MYO16: variants seen among roughly 807,000 people sequenced by gnomAD.
MYO16 encodes unconventional myosin-XVI.
A neutral mutation model predicts 205.3 loss-of-function variants in MYO16; 94 were observed. That is an observed-to-expected ratio of 0.46 (90% CI 0.39 to 0.54). The LOEUF (loss-of-function observed/expected upper bound fraction) is 0.54, where lower values mean the gene tolerates loss of function less well. Among genes scored for constraint, MYO16 ranks in the 20% least tolerant of loss-of-function variants. The probability of loss-of-function intolerance (pLI) is 0.00; values close to 1 mark genes in which losing one functional copy is unlikely to be tolerated. For synonymous variants in MYO16, 988 were observed against 954.0 expected (o/e 1.04, Z -0.66); for missense variants, 2,315 against 2,387.5 (o/e 0.97, Z 0.63).
In MYO16 at chr13:108,883,088, G is replaced by T. The variant is rs1320951124; in HGVS notation, c.1455G>T (p.Gly485=). The change falls in exon 13 of 35, where the codon GGG becomes GGT. Residue 485 remains glycine (G), a synonymous_variant. Transcript: ENST00000457511. ...MVSQLYFSSS[G]KLCSSLPPHL... Reference sequence around the variant, plus strand: ...CCCAGCTGTATTTCAGCTCCTCAGGGAAGCTGTGTTCCTCGCTGCCTCCTC... The same window carrying T: ...CCCAGCTGTATTTCAGCTCCTCAGGTAAGCTGTGTTCCTCGCTGCCTCCTC... 2.5e-6 allele frequency: 4 copies of T among 1,613,896 alleles called. No individual in the cohort carries two copies. In the African/African-American group the frequency reaches 4.0e-5, roughly 16 times the overall value.
At chr13:108,785,835 G>T (rs561504840) in intron 5 of MYO16, 92 bp downstream of exon 5, 14 of 822,802 alleles carry the variant, frequency 1.7e-5, no homozygotes, top group Non-Finnish European at 2.5e-5. Context: ...CATGATTTCC[G>T]ATGGATGTAG....
At chr13:108,806,636 A>T (rs1438412194) in intron 6 of MYO16, 43 bp from the exon 7 acceptor site, 3 of 1,588,768 alleles carry the variant, frequency 1.9e-6, no homozygotes, top group African/African-American at 1.3e-5. Context: ...CATGAATATC[A>T]CTACTTTAAA....
At chr13:108,653,186 CT>C (rs1881088795) in intron 1 of MYO16, among the ~76,000 whole-genome samples, 6 of 152,164 alleles carry the variant, frequency 3.9e-5, no homozygotes, top group Admixed American at 3.3e-4. Context: ...TGTATATCAT[CT>C]TTGGAAAAAT....
At chr13:108,834,594 T>C (rs1333873300) in intron 9 of MYO16, among the ~76,000 whole-genome samples, 1 of 151,976 alleles carries the variant, frequency 6.6e-6, no homozygotes, top group Non-Finnish European at 1.5e-5. Flanking sequence ...TAACTTGGAA[T>C]TTTTCCTTTT....
chr13:109,140,181 C>T lies in MYO16; in HGVS notation c.4052-83C>T. The T allele has an allele frequency of 6.5e-7, 1 of 1,545,396 alleles. No individual in the cohort carries two copies. The highest frequency in any genetic ancestry group is 8.6e-7 in the Non-Finnish European group (1 of 1,156,126). On this transcript the variant is annotated intron_variant, in intron 31 of 34. Transcript: ENST00000457511. The surrounding 1 kb of genome is among the most constrained non-coding windows in gnomAD (Gnocchi z 8.0). ...GGATTCTCGGGGCACGGGGCCGTGG[C>T]TCCCTCCGAGTCGAGCCCCGGGCTT...
At chr13:108,518,843 A>C in the MYO16 span, among the ~76,000 whole-genome samples, 44,231 of 152,090 alleles carry the variant, frequency 0.29, 7,304 homozygotes, top group Non-Finnish European at 0.37. Context: ...TACAGTGTGG[A>C]GGGGTACTTA....
chr13:108,558,458 C>G, the MYO16 span, among the ~76,000 whole-genome samples: 1 of 152,190 alleles, frequency 6.6e-6, no homozygotes, highest in Non-Finnish European at 1.5e-5. Flanking sequence ...AGTGTGGGCA[C>G]CTCGACTGTG....
At chr13:109,148,556 A>G (rs1294516471) in intron 32 of MYO16, among the ~76,000 whole-genome samples, 4 of 152,360 alleles carry the variant, frequency 2.6e-5, no homozygotes, top group Admixed American at 2.0e-4. Context: ...AGTGAAAGAA[A>G]TTCCAAAGAG....
the MYO16 span, among the ~76,000 whole-genome samples, chr13:108,588,309 T>C: frequency 2.6e-5 from 4 of 152,152 alleles, no homozygotes; most frequent in South Asian, 6.2e-4. Context: ...CTTTGACAAA[T>C]GTGGCTATTT....
At chr13:108,818,555 C>T (rs1399862457) in intron 7 of MYO16, among the ~76,000 whole-genome samples, 1 of 151,370 alleles carries the variant, frequency 6.6e-6, no homozygotes, top group Admixed American at 6.6e-5. Context: ...AGCAAAAATA[C>T]CATAGAAAAA....
chr13:109,130,824 C>T (rs964096932), intron 31 of MYO16, among the ~76,000 whole-genome samples: 5 of 152,168 alleles, frequency 3.3e-5, no homozygotes, highest in Non-Finnish European at 7.3e-5. Flanking sequence ...TTGTTCAATG[C>T]AGTAGCCACT....
At chr13:109,190,820 C>G (rs1266319528) in intron 34 of MYO16, among the ~76,000 whole-genome samples, 2 of 152,096 alleles carry the variant, frequency 1.3e-5, no homozygotes, top group African/African-American at 4.8e-5. Context: ...GTTTGTAACT[C>G]CATTCAATTA....
At chr13:109,023,809 ATATT>A (rs1273041095) in intron 23 of MYO16, among the ~76,000 whole-genome samples, 1 of 136,084 alleles carries the variant, frequency 7.3e-6, no homozygotes, top group Non-Finnish European at 1.5e-5. Flanking sequence ...TTATATACAT[ATATT>A]TATATTTTAT....
At chr13:108,933,036 A>G (rs1041606711) in intron 16 of MYO16, among the ~76,000 whole-genome samples, 3 of 152,122 alleles carry the variant, frequency 2.0e-5, no homozygotes, top group African/African-American at 7.2e-5. Context: ...GAAAGGCATC[A>G]GGGGGAGCTA....
the MYO16 span, among the ~76,000 whole-genome samples, chr13:108,589,087 G>A: frequency 1.3e-5 from 2 of 152,222 alleles, no homozygotes; most frequent in Non-Finnish European, 2.9e-5. Context: ...TGAGCTGAGA[G>A]CAGTGGTGAG....
At chr13:108,876,516 TA>T (rs748078428) in intron 12 of MYO16, among the ~76,000 whole-genome samples, 22 of 152,220 alleles carry the variant, frequency 1.4e-4, no homozygotes, top group Non-Finnish European at 8.8e-5. Context: ...CTTATTTTCG[TA>T]AGCAGTGATA....
At position 109,141,456 on chromosome 13, in the gene MYO16, A is replaced by C; in HGVS notation, c.5164+80A>C. ...CACCTGTGTACATCCGTGTCTGCGC[A>C]GATGTGAAATAGTAAAGTTTCAGGT... is the stretch of plus-strand genomic sequence containing the variant. On this transcript the variant is annotated intron_variant, in intron 32 of 34. Transcript: ENST00000457511. This position sits in a 1 kb window ranked among gnomAD's most constrained non-coding sequence, Gnocchi z 4.1. 5.1e-6 allele frequency: 5 copies of C among 989,844 alleles called. No individual in the cohort carries two copies. Among genetic ancestry groups the C allele is most frequent in the Non-Finnish European group, 6.9e-6 (5 of 724,618 alleles). The allele number at this position is 989,844 out of a possible 1,614,324, so 61.3% of individuals were successfully genotyped here.
At chr13:108,920,492 A>G (rs577449440) in intron 16 of MYO16, among the ~76,000 whole-genome samples, 1 of 150,934 alleles carries the variant, frequency 6.6e-6, no homozygotes, top group South Asian at 2.1e-4. Context: ...GAGTTTCACT[A>G]TTATCACCCA....
At chr13:108,921,604 T>C (rs191844538) in intron 16 of MYO16, among the ~76,000 whole-genome samples, 3 of 152,276 alleles carry the variant, frequency 2.0e-5, no homozygotes, top group East Asian at 1.9e-4. Flanking sequence ...AATCATAGCT[T>C]TTAGGTGTGT....
Sources: gnomAD v4.1 joint callset for allele counts (sites outside exome capture counted in the v4.1 genomes callset) on GRCh38, gnomAD v4.1.1 for gene constraint, Gnocchi (gnomAD v3.1) non-coding constraint, MANE v1.5 for transcripts, NCBI Gene and HGNC (gene_info 2026-07-23, HGNC 2026-07-21) for gene names.